Variants in PDCD1 observed in about 807,000 individuals in gnomAD.
The protein encoded by PDCD1 is programmed cell death 1.
Under a neutral mutation model 23.6 loss-of-function variants are expected in PDCD1, and 10 were observed. That is an observed-to-expected ratio of 0.42 (90% confidence interval 0.26 to 0.72). The LOEUF (loss-of-function observed/expected upper bound fraction) is 0.72. PDCD1 is among the 30% of genes least tolerant of loss of function. The probability of loss-of-function intolerance (pLI) is 0.24; values close to 1 mark genes in which losing one functional copy is unlikely to be tolerated. For missense variants in PDCD1, 313 were observed against 397.8 expected (o/e 0.79, Z 1.81); for synonymous variants, 168 against 169.3 (o/e 0.99, Z 0.06).
intron 1 of PDCD1, among the ~76,000 whole-genome samples, chr2:241,854,528 T>C (rs2124865041): frequency 6.6e-6 from 1 of 152,216 alleles, no homozygotes; most frequent in East Asian, 1.9e-4. Context: ...GCCAGGGCAC[T>C]CAGAGACCTG....
intron 1 of PDCD1, among the ~76,000 whole-genome samples, chr2:241,856,144 G>C (rs1253807828): frequency 6.6e-6 from 1 of 152,220 alleles, no homozygotes; most frequent in East Asian, 1.9e-4. Context: ...AAGCTGAGCA[G>C]AGCCCTCTCG....
chr2:241,851,404 C>T (rs1246405921), intron 4 of PDCD1, 107 bp from the exon 5 acceptor site: 1 of 1,161,202 alleles, frequency 8.6e-7, no homozygotes, highest in African/African-American at 1.5e-5. Context: ...GGGCCCCCCA[C>T]TATGAGCTGC....
At position 241,854,507 on chromosome 2, in the gene PDCD1, C is replaced by T. The variant is rs891041056; in HGVS notation, c.77-1527G>A. On this transcript the variant is annotated intron_variant, in intron 1 of 4. Transcript: ENST00000334409. Reference sequence around the variant, plus strand: ...GGGGTAGTGTGACTCTCAGGGCCAGCAGGCAGCCAGGCCAGGGCACTCAGA... The same window carrying T: ...GGGGTAGTGTGACTCTCAGGGCCAGTAGGCAGCCAGGCCAGGGCACTCAGA... Among the ~76,000 whole-genome samples the T allele has an allele frequency of 7.4e-4, 112 of 152,256 alleles. 1 individual carries two copies. Among genetic ancestry groups the T allele is most frequent in the African/African-American group, 2.6e-3 (108 of 41,548 alleles).
Position 241,851,289 on chromosome 2 carries a change from GTCC to G in PDCD1, c.633_635del (p.Glu211del), listed in dbSNP as rs2124856828. The G allele has an allele frequency of 6.2e-7, 1 of 1,607,404 alleles. No homozygotes were observed. Among genetic ancestry groups the G allele is most frequent in the Admixed American group, 1.7e-5 (1 of 59,480 alleles). On this transcript the variant is annotated inframe_deletion, in exon 5 of 5. Transcript: ENST00000334409. ...CAGAGAACACAGGCACGGCTGAGGG[GTCC>G]TCCTTCTTTGAGGAGAAAGGGAGAG...
chr2:241,855,842 A>G (rs571745152), intron 1 of PDCD1, among the ~76,000 whole-genome samples: 1 of 151,904 alleles, frequency 6.6e-6, no homozygotes, highest in African/African-American at 2.4e-5. Context: ...AGGTCTTCCA[A>G]CTCCTCACAG....
intron 1 of PDCD1, among the ~76,000 whole-genome samples, chr2:241,856,119 C>A (rs4973695): frequency 0.012 from 1,782 of 152,238 alleles, 72 homozygotes; most frequent in South Asian, 0.092. Flanking sequence ...GGCCACAAAA[C>A]CCCCCAGCCA....
chr2:241,858,686 C>A, intron 1 of PDCD1, 77 bp downstream of exon 1: 2 of 1,322,248 alleles, frequency 1.5e-6, no homozygotes, highest in Non-Finnish European at 2.1e-6. Flanking sequence ...CAGCACCCCC[C>A]GACCTGCCAG....
At position 241,858,696 on chromosome 2, in the gene PDCD1, G is replaced by A; in HGVS notation, c.76+67C>T. 10 of 1,386,778 alleles carry A rather than the reference G, an allele frequency of 7.2e-6. No homozygotes were observed. The South Asian group carries it at 1.2e-4, about 17-fold the overall frequency. 85.9% of individuals were successfully genotyped at this position (1,386,778 alleles called of 1,614,324 possible). ...CGCCTCAGCACCCCCCGACCTGCCA[G>A]GGACTGAGGGTGGAAGGTCCCTCCA... On this transcript the variant is annotated intron_variant, in intron 1 of 4. Coordinates refer to ENST00000334409, the MANE Select transcript of PDCD1 (RefSeq NM_005018.3).
At chr2:241,852,159 G>A (rs780907866) in intron 3 of PDCD1, 39 bp downstream of exon 3, 1 of 1,593,622 alleles carries the variant, frequency 6.3e-7, no homozygotes, top group Non-Finnish European at 8.5e-7. Context: ...CGCCAGCAGG[G>A]TTAGGGCAGG....
chr2:241,851,615 G>T (rs916046160), intron 4 of PDCD1, among the ~76,000 whole-genome samples: 1 of 152,078 alleles, frequency 6.6e-6, no homozygotes, highest in Non-Finnish European at 1.5e-5. Flanking sequence ...GTGGGCACAC[G>T]CATGGGCCGG....
chr2:241,858,138 G>A (rs893779315), intron 1 of PDCD1, among the ~76,000 whole-genome samples: 5 of 152,194 alleles, frequency 3.3e-5, no homozygotes, highest in African/African-American at 7.2e-5. Context: ...AGACCCAGGC[G>A]GGCACAATCC....
intron 1 of PDCD1, among the ~76,000 whole-genome samples, chr2:241,856,647 AC>A (rs1029513448): frequency 2.6e-5 from 4 of 151,836 alleles, no homozygotes; most frequent in African/African-American, 9.7e-5. Flanking sequence ...ACATAGCGAG[AC>A]CCTGTCTCTA....
chr2:241,854,529 CAG>C (rs1227910719), intron 1 of PDCD1, among the ~76,000 whole-genome samples: 1 of 152,214 alleles, frequency 6.6e-6, no homozygotes, highest in Admixed American at 6.5e-5. Context: ...CCAGGGCACT[CAG>C]AGACCTGCCT....
intron 1 of PDCD1, among the ~76,000 whole-genome samples, chr2:241,855,119 C>A (rs549321151): frequency 3.3e-5 from 5 of 151,972 alleles, no homozygotes; most frequent in Non-Finnish European, 5.9e-5. Flanking sequence ...CCTGTTCCGC[C>A]CCCCCCAACC....
At position 241,852,418 on chromosome 2, in the gene PDCD1, G is replaced by A; in HGVS notation, c.437-65C>T. On this transcript the variant is annotated intron_variant, in intron 2 of 4. Coordinates refer to ENST00000334409, the MANE Select transcript of PDCD1 (RefSeq NM_005018.3). ...GGTGGAGGGTCAGGGTCAGGGGTGA[G>A]GGCAGACTAGAGGGGCTGGGGTGCT... The A allele has an allele frequency of 4.1e-6, 5 of 1,206,502 alleles. No individual in the cohort carries two copies. The South Asian group carries it at 7.1e-5, about 17-fold the overall frequency. 74.7% of individuals were successfully genotyped at this position (1,206,502 alleles called of 1,614,324 possible).
At chr2:241,853,068 C>T (rs1553623837) in intron 1 of PDCD1, 88 bp from the exon 2 acceptor site, 5 of 1,445,762 alleles carry the variant, frequency 3.5e-6, no homozygotes, top group Non-Finnish European at 4.6e-6. Context: ...GCAGCAAGGG[C>T]TCTGGAAGGG....
chr2:241,853,556 T>C (rs1050107609), intron 1 of PDCD1, among the ~76,000 whole-genome samples: 1 of 152,192 alleles, frequency 6.6e-6, no homozygotes, highest in Admixed American at 6.5e-5. Context: ...AGCAAGACAG[T>C]GGGGACTAGA....
rs1371795528 is a variant in PDCD1 at position 241,858,779 on chromosome 2, C to T, written c.60G>A (p.Arg20=). The T allele has an allele frequency of 6.3e-7, 1 of 1,592,466 alleles. No homozygotes were observed. The highest frequency in any genetic ancestry group is 8.5e-7 in the Non-Finnish European group (1 of 1,170,012). Residue 20 remains arginine (R), a synonymous_variant, in exon 1 of 5, where the codon CGG becomes CGA. Coordinates refer to ENST00000334409, the MANE Select transcript of PDCD1 (RefSeq NM_005018.3). Reference sequence around the variant, plus strand: ...CCCACCTACCTAAGAACCATCCTGGCCGCCAGCCCAGTTGTAGCACCGCCC... The same window carrying T: ...CCCACCTACCTAAGAACCATCCTGGTCGCCAGCCCAGTTGTAGCACCGCCC... ...VVWAVLQLGW[R]PGWFLDSPDR...
At chr2:241,855,502 C>T (rs1701002714) in intron 1 of PDCD1, among the ~76,000 whole-genome samples, 1 of 152,212 alleles carries the variant, frequency 6.6e-6, no homozygotes, top group Admixed American at 6.5e-5. Flanking sequence ...CAGGTGCTCC[C>T]TCTCGGATCC....
Sources: allele counts gnomAD v4.1 joint callset (sites outside exome capture counted in the v4.1 genomes callset), GRCh38; gene constraint gnomAD v4.1.1; transcripts MANE v1.5; gene names NCBI Gene and HGNC (gene_info 2026-07-23, HGNC 2026-07-21).